Variants in NPHP3 observed in about 807,000 individuals in gnomAD.
The protein encoded by NPHP3 is nephrocystin 3.
A neutral mutation model predicts 171.9 loss-of-function variants in NPHP3; 123 were observed. The ratio of observed to expected loss-of-function variants is 0.72; its 90% CI spans 0.62 to 0.83. NPHP3 has a LOEUF of 0.83. Ranked by LOEUF, NPHP3 falls within the 40% of genes least tolerant of loss-of-function variation. The pLI, the probability that NPHP3 is intolerant of heterozygous loss-of-function variation, is 0.00. For synonymous variants in NPHP3, 558 were observed against 579.2 expected, an observed-to-expected ratio of 0.96 and a Z score of 0.52; for missense variants, 1,506 against 1,591.9, an observed-to-expected ratio of 0.95 and a Z score of 0.92.
In NPHP3 at chr3:132,704,257, C is replaced by G; in HGVS notation, c.1465G>C (p.Glu489Gln). ...GCCTGCTGAAAAGTTTCCATTTGCT[C>G]TTGTTCATCATGTATGTCCCACAGA... Reference protein sequence around the residue: ...DVLWDIHDEQEQMETFQQASN... With the variant: ...DVLWDIHDEQQQMETFQQASN... The change falls in exon 9 of 27, where the codon GAG becomes CAG. Residue 489 changes from glutamate to glutamine, a missense_variant. By Grantham distance (29) the Glu-to-Gln change is conservative (BLOSUM62 2). Around this residue, in one of 3 missense-constraint regions of NPHP3, gnomAD observed 930 missense variants for 924.9 expected, o/e 1.01. Coordinates refer to ENST00000337331, the MANE Select transcript of NPHP3 (RefSeq NM_153240.5). 1 of 1,614,176 alleles carries G rather than the reference C, an allele frequency of 6.2e-7. No homozygotes were observed. The highest frequency in any genetic ancestry group is 1.1e-5 in the South Asian group (1 of 91,080).
intron 12 of NPHP3, among the ~76,000 whole-genome samples, 168 bp downstream of exon 12, chr3:132,699,750 G>A (rs533367117): frequency 4.6e-5 from 7 of 151,994 alleles, no homozygotes; most frequent in Admixed American, 6.6e-5. Context: ...GTGTCTGTGG[G>A]CATACGATAT....
chr3:132,689,094 C>A lies in NPHP3; in HGVS notation c.2863G>T (p.Asp955Tyr), dbSNP rs1442711181. 1 of 1,614,126 alleles carries A rather than the reference C, an allele frequency of 6.2e-7. No individual in the cohort carries two copies. Among genetic ancestry groups the A allele is most frequent in the East Asian group, 2.2e-5 (1 of 44,874 alleles). The change falls in exon 20 of 27, where the codon GAT (aspartate) becomes TAT (tyrosine). Residue 955 changes from aspartate to tyrosine, a missense_variant. Around this residue, in one of 3 missense-constraint regions of NPHP3, gnomAD observed 569 missense variants for 648.1 expected, o/e 0.88. Coordinates refer to ENST00000337331, the MANE Select transcript of NPHP3 (RefSeq NM_153240.5). Reference sequence around the variant, plus strand: ...CTTACCTGACTGAGAAGGCCTAGATCCTTGAGAAATCGCCCCAAGGTTTCA... The same window carrying A: ...CTTACCTGACTGAGAAGGCCTAGATACTTGAGAAATCGCCCCAAGGTTTCA... ...LYETLGRFLK[D>Y]LGLLSQAIVP...
At chr3:132,695,277 C>T (rs1383615135) in intron 15 of NPHP3, 2 of 254,020 alleles carry the variant, frequency 7.9e-6, no homozygotes, top group East Asian at 1.8e-4. Context: ...CACCTACATA[C>T]AGGAAGCAGG....
At position 132,716,762 on chromosome 3, in the gene NPHP3, T is replaced by C. The variant is rs538520481; in HGVS notation, c.818A>G (p.Asn273Ser). Residue 273 changes from asparagine to serine, a missense_variant, in exon 4 of 27, where the codon AAT becomes AGT. Around this residue, in one of 3 missense-constraint regions of NPHP3, gnomAD observed 930 missense variants for 924.9 expected, o/e 1.01. Coordinates refer to ENST00000337331, the MANE Select transcript of NPHP3 (RefSeq NM_153240.5). ...IDVEGPFANV[N>S]RDDWDIAVAS... is the part of the protein sequence containing the mutation. Reference sequence around the variant, plus strand: ...TGACAAACAGCATGTATTACCTCTATTAACATTTGCAAAGGGTCCTTCCAC... The same window carrying C: ...TGACAAACAGCATGTATTACCTCTACTAACATTTGCAAAGGGTCCTTCCAC... 60 of 1,614,120 alleles carry C rather than the reference T, an allele frequency of 3.7e-5. 1 individual carries two copies. In the Middle Eastern group the frequency reaches 8.4e-4, roughly 22 times the overall value.
chr3:132,715,629 T>C (rs1385224590), intron 4 of NPHP3, among the ~76,000 whole-genome samples: 1 of 152,244 alleles, frequency 6.6e-6, no homozygotes, highest in Admixed American at 6.5e-5. Context: ...ATGCTAACTA[T>C]ATTTAGTGAG....
chr3:132,682,589 C>T, intron 26 of NPHP3, 114 bp downstream of exon 26: 1 of 707,764 alleles, frequency 1.4e-6, no homozygotes, highest in South Asian at 1.6e-5. Flanking sequence ...CAGCAAAAAA[C>T]AACCCCTCCC....
rs781381515 is a variant in NPHP3, at chr3:132,722,404, C to CGGAACGGAACGGGACGGGGTGGGGCAGA, written c.-50_-49insTCTGCCCCACCCCGTCCCGTTCCGTTCC. On this transcript the variant is annotated 5_prime_UTR_variant, in exon 1 of 27. Transcript: ENST00000337331. ...AGTGAGTACCAGCAGGACTGGGCAG[C>CGGAACGGAACGGGACGGGGTGGGGCAGA]GGAACGGAACGGGACGGGGTGGGGC... 9 of 1,512,082 alleles carry CGGAACGGAACGGGACGGGGTGGGGCAGA rather than the reference C, an allele frequency of 6.0e-6. No homozygotes were observed. The highest frequency in any genetic ancestry group is 7.9e-6 in the Non-Finnish European group (9 of 1,134,592). 93.7% of individuals were successfully genotyped at this position (1,512,082 alleles called of 1,614,324 possible). A position where few individuals can be genotyped will look rare whatever the true frequency, so the allele number is the denominator to read the frequency against.
rs1370293549 is a variant in NPHP3 at position 132,691,204 on chromosome 3, G to A, written c.2558C>T (p.Thr853Ile). 1.2e-6 allele frequency: 2 copies of A among 1,612,018 alleles called. No individual in the cohort carries two copies. The highest frequency in any genetic ancestry group is 1.1e-5 in the South Asian group (1 of 91,056). The change falls in exon 18 of 27, where the codon ACC becomes ATC. Residue 853 changes from threonine to isoleucine, a missense_variant. By Grantham distance (89) the Thr-to-Ile change is moderately conservative. Transcript: ENST00000337331. ...ACATTTACAATACCTTAGCTGCAAGGTGAAATAGTTGATTAGCTTTTGCCT... is the reference window on the plus strand; with the variant it reads ...ACATTTACAATACCTTAGCTGCAAGATGAAATAGTTGATTAGCTTTTGCCT... ...SYRQKLINYFTLQLSQDRVTW... is the reference protein window; with the variant it reads ...SYRQKLINYFILQLSQDRVTW...
At chr3:132,703,441 T>A (rs1939667442) in intron 9 of NPHP3, among the ~76,000 whole-genome samples, 1 of 152,242 alleles carries the variant, frequency 6.6e-6, no homozygotes, top group South Asian at 2.1e-4. Flanking sequence ...TTAAGGATGT[T>A]GATAAGACTG....
At chr3:132,688,492 A>G (rs1219367554) in intron 21 of NPHP3, among the ~76,000 whole-genome samples, 158 bp downstream of exon 21, 1 of 152,166 alleles carries the variant, frequency 6.6e-6, no homozygotes, top group Non-Finnish European at 1.5e-5. Flanking sequence ...TCAAACAGAG[A>G]TGAATCTTAT....
At position 132,719,157 on chromosome 3, in the gene NPHP3, T is replaced by A; in HGVS notation, c.520-13A>T. Reference sequence around the variant, plus strand: ...TCTCCCTAAAAATCTTTAAAAAGAATAATTTTAATGTTGAAAGCTTTTTCA... The same window carrying A: ...TCTCCCTAAAAATCTTTAAAAAGAAAAATTTTAATGTTGAAAGCTTTTTCA... On this transcript the variant is annotated splice_polypyrimidine_tract_variant and intron_variant, in intron 2 of 26. Transcript: ENST00000337331. The A allele has an allele frequency of 6.3e-7, 1 of 1,588,278 alleles. No homozygotes were observed. The highest frequency in any genetic ancestry group is 1.1e-5 in the South Asian group (1 of 88,076).
Position 132,684,736 on chromosome 3 carries a change from C to A in NPHP3, c.3388G>T (p.Asp1130Tyr). The A allele has an allele frequency of 6.2e-7, 1 of 1,614,042 alleles. No homozygotes were observed. The highest frequency in any genetic ancestry group is 8.5e-7 in the Non-Finnish European group (1 of 1,179,980). Reference sequence around the variant, plus strand: ...AAAGACTGAGCACAGTCAGGGTGATCTGGTCCTAGAACTCGCTCCCTCATT... The same window carrying A: ...AAAGACTGAGCACAGTCAGGGTGATATGGTCCTAGAACTCGCTCCCTCATT... ...LEMRERVLGPDHPDCAQSLNN... is the reference protein window; with the variant it reads ...LEMRERVLGPYHPDCAQSLNN... Residue 1130 changes from aspartate to tyrosine, a missense_variant, in exon 24 of 27, where the codon GAT becomes TAT. Physicochemically the swap from Asp to Tyr is radical, Grantham distance 160. Around this residue, in one of 3 missense-constraint regions of NPHP3, gnomAD observed 569 missense variants for 648.1 expected, o/e 0.88. Transcript: ENST00000337331.
At chr3:132,694,751 A>C in intron 16 of NPHP3, 76 bp downstream of exon 16, 1 of 1,547,046 alleles carries the variant, frequency 6.5e-7, no homozygotes. Flanking sequence ...AAATTTTAAA[A>C]GAATTGTTAT....
rs1462855179 is a variant in NPHP3, at chr3:132,688,973, T to C, written c.2884-82A>G. ...TCATCTGATTAAATATTAAGGATTA[T>C]AGCACAACAAATGAAAACCACATTA... On this transcript the variant is annotated intron_variant, in intron 20 of 26. Coordinates refer to ENST00000337331, the MANE Select transcript of NPHP3 (RefSeq NM_153240.5). 14 of 1,611,844 alleles carry C rather than the reference T, an allele frequency of 8.7e-6. No individual in the cohort carries two copies. In the East Asian group the frequency reaches 2.9e-4, roughly 33 times the overall value.
At chr3:132,704,103 T>A in intron 9 of NPHP3, 95 bp downstream of exon 9, 2 of 1,228,374 alleles carry the variant, frequency 1.6e-6, no homozygotes, top group Non-Finnish European at 2.4e-6. Context: ...ACTAATATAA[T>A]CATAAACCTT....
intron 21 of NPHP3, 70 bp from the exon 22 acceptor site, chr3:132,687,296 A>G (rs554493878): frequency 4.1e-6 from 3 of 732,522 alleles, no homozygotes; most frequent in Middle Eastern, 2.9e-4. Context: ...AAATGAAAGC[A>G]CTCTTTTCAT....
intron 6 of NPHP3, chr3:132,712,595 T>C (rs1939941773): frequency 2.7e-6 from 1 of 367,660 alleles, no homozygotes; most frequent in Non-Finnish European, 5.3e-6. Context: ...TGAAACCCCA[T>C]CTCTACCAAA....
chr3:132,705,474 T>C (rs1939723631), intron 8 of NPHP3, among the ~76,000 whole-genome samples: 1 of 152,224 alleles, frequency 6.6e-6, no homozygotes, highest in Admixed American at 6.5e-5. Context: ...AAATAGTTTT[T>C]GGCTAGCACT....
intron 17 of NPHP3, 123 bp from the exon 18 acceptor site, chr3:132,691,409 CTT>C (rs1939296014): frequency 9.9e-6 from 7 of 704,104 alleles, no homozygotes; most frequent in Non-Finnish European, 1.5e-5. Flanking sequence ...AGAAATGTCA[CTT>C]AAATGTTTTT....
Sources: allele counts gnomAD v4.1 joint callset (sites outside exome capture counted in the v4.1 genomes callset), GRCh38; gene constraint gnomAD v4.1.1; regional missense constraint gnomAD v4.1.1; transcripts MANE v1.5; gene names NCBI Gene and HGNC (gene_info 2026-07-23, HGNC 2026-07-21).